Variants in CSMD1 observed in about 807,000 individuals in gnomAD.
The protein encoded by CSMD1 is CUB and sushi domain-containing protein 1.
CSMD1 carries 213 observed loss-of-function variants against 417.5 expected under a neutral mutation model. The ratio of observed to expected loss-of-function variants is 0.51; its 90% confidence interval spans 0.46 to 0.57. The LOEUF (loss-of-function observed/expected upper bound fraction) is 0.57, where lower values mean the gene tolerates loss of function less well. Ranked by LOEUF, CSMD1 falls within the 20% of genes least tolerant of loss-of-function variation. The pLI is 0.00. For missense variants in CSMD1, 6,923 were observed against 4,529.7 expected, an observed-to-expected ratio of 1.53 and a Z score of -15.17; for synonymous variants, 2,862 against 1,736.8, an observed-to-expected ratio of 1.65 and a Z score of -16.11.
At chr8:3,970,006 G>A (rs1304435934) in intron 5 of CSMD1, among the ~76,000 whole-genome samples, 1 of 152,142 alleles carries the variant, frequency 6.6e-6, no homozygotes, top group Non-Finnish European at 1.5e-5. Context: ...TCAGTAATTT[G>A]GCAATAATTC....
intron 3 of CSMD1, among the ~76,000 whole-genome samples, chr8:4,060,349 C>G (rs898292475): frequency 6.6e-6 from 1 of 152,120 alleles, no homozygotes; most frequent in African/African-American, 2.4e-5. Context: ...ACTGAATGGG[C>G]CAAAACTGGA....
At chr8:4,887,216 T>C (rs542316695) in intron 1 of CSMD1, among the ~76,000 whole-genome samples, 8 of 152,216 alleles carry the variant, frequency 5.3e-5, no homozygotes, top group African/African-American at 1.7e-4. Flanking sequence ...ATTTACATTG[T>C]GATTATTTTG....
At chr8:3,522,585 C>T (rs189160512) in intron 10 of CSMD1, among the ~76,000 whole-genome samples, 2 of 151,996 alleles carry the variant, frequency 1.3e-5, no homozygotes, top group East Asian at 3.9e-4. Context: ...GGGAACACTA[C>T]TCATGTTTCA....
chr8:4,689,411 A>C (rs1461883472), intron 1 of CSMD1, among the ~76,000 whole-genome samples: 1 of 152,214 alleles, frequency 6.6e-6, no homozygotes, highest in Non-Finnish European at 1.5e-5. Flanking sequence ...TATATGTTTC[A>C]TAAGAAATAA....
At chr8:3,334,980 A>G (rs764932247) in intron 23 of CSMD1, among the ~76,000 whole-genome samples, 6 of 152,196 alleles carry the variant, frequency 3.9e-5, no homozygotes, top group Non-Finnish European at 8.8e-5. Context: ...TCTTGTAATA[A>G]TGCTCCCCTG....
At chr8:4,038,785 C>G (rs1343670390) in intron 3 of CSMD1, among the ~76,000 whole-genome samples, 2 of 152,348 alleles carry the variant, frequency 1.3e-5, no homozygotes, top group East Asian at 3.9e-4. Flanking sequence ...TGAAAGAGCT[C>G]TGGGCACAGT....
intron 12 of CSMD1, among the ~76,000 whole-genome samples, chr8:3,419,902 T>C (rs1317622250): frequency 6.6e-6 from 1 of 152,196 alleles, no homozygotes; most frequent in East Asian, 1.9e-4. Flanking sequence ...CTGTTTTAGA[T>C]GGAATCTCAG....
At chr8:4,228,458 C>A (rs1216580059) in intron 3 of CSMD1, among the ~76,000 whole-genome samples, 1 of 152,154 alleles carries the variant, frequency 6.6e-6, no homozygotes, top group Non-Finnish European at 1.5e-5. Flanking sequence ...CACCTGAAAG[C>A]AGCACCACAC....
intron 51 of CSMD1, among the ~76,000 whole-genome samples, chr8:3,025,375 A>C (rs1809791166): frequency 6.6e-6 from 1 of 150,698 alleles, no homozygotes; most frequent in African/African-American, 2.5e-5. Context: ...TGTTATTCTG[A>C]AACTGTGTAT....
intron 2 of CSMD1, among the ~76,000 whole-genome samples, chr8:4,558,597 T>C (rs549802117): frequency 1.4e-4 from 21 of 152,272 alleles, no homozygotes; most frequent in African/African-American, 4.8e-4. Flanking sequence ...GCCAGACACA[T>C]GGCTCACACC....
chr8:4,501,774 G>C (rs765583627), intron 2 of CSMD1, among the ~76,000 whole-genome samples: 1 of 152,076 alleles, frequency 6.6e-6, no homozygotes, highest in African/African-American at 2.4e-5. Context: ...TTGTGTTCAA[G>C]TTGTCGTTAT....
intron 2 of CSMD1, among the ~76,000 whole-genome samples, chr8:4,426,086 T>G (rs1480449582): frequency 2.0e-5 from 3 of 148,226 alleles, no homozygotes; most frequent in Non-Finnish European, 4.4e-5. Context: ...AGGAATTATT[T>G]TGAAAAAAAA....
intron 1 of CSMD1, among the ~76,000 whole-genome samples, chr8:4,917,597 G>A (rs1028022005): frequency 6.6e-6 from 1 of 152,180 alleles, no homozygotes; most frequent in African/African-American, 2.4e-5. Flanking sequence ...TCATGCCACT[G>A]CACTCCAGCC....
intron 3 of CSMD1, among the ~76,000 whole-genome samples, chr8:4,391,892 G>T (rs1161029694): frequency 1.3e-5 from 2 of 152,176 alleles, no homozygotes; most frequent in Non-Finnish European, 2.9e-5. Context: ...TCTGCCGAGA[G>T]CTTCTTTTCA....
At position 3,722,499 on chromosome 8, in the gene CSMD1, C is replaced by T. The variant is rs1224144865; in HGVS notation, c.932-14008G>A. ...TCTGAAACCATTCTCTCCTGAAAAG[C>T]AGGGTCTGTCTTACCTTTGAGTTTT... On this transcript the variant is annotated intron_variant, in intron 6 of 69. Coordinates refer to ENST00000635120, the MANE Select transcript of CSMD1 (RefSeq NM_033225.6). 2.6e-5 allele frequency among the ~76,000 whole-genome samples: 4 copies of T among 152,164 alleles called. No homozygotes were observed. The East Asian group carries it at 7.7e-4, about 29-fold the overall frequency.
intron 2 of CSMD1, among the ~76,000 whole-genome samples, chr8:4,504,960 T>C (rs1259641093): frequency 6.6e-6 from 1 of 152,232 alleles, no homozygotes; most frequent in African/African-American, 2.4e-5. Flanking sequence ...CATGTGTCTT[T>C]ACAGGAGAAT....
In CSMD1 at chr8:4,936,303, G is replaced by C. The variant is rs146652863; in HGVS notation, c.85+58029C>G. ...ATTTCAATTTTAAAATGTGTGCATG[G>C]GATTGTGAATAAACAAACAGGGACA... On this transcript the variant is annotated intron_variant, in intron 1 of 69. Coordinates refer to ENST00000635120, the MANE Select transcript of CSMD1 (RefSeq NM_033225.6). 3.3e-3 allele frequency among the ~76,000 whole-genome samples: 498 copies of C among 152,202 alleles called. 1 individual carries two copies. Among genetic ancestry groups the C allele is most frequent in the African/African-American group, 0.011 (458 of 41,526 alleles).
At chr8:4,983,068 G>T (rs1313642195) in intron 1 of CSMD1, among the ~76,000 whole-genome samples, 1 of 152,180 alleles carries the variant, frequency 6.6e-6, no homozygotes, top group African/African-American at 2.4e-5. Flanking sequence ...AGAAAAAAAT[G>T]CAAACATCTC....
At chr8:4,843,089 T>C (rs28567932) in intron 1 of CSMD1, among the ~76,000 whole-genome samples, 2 of 152,154 alleles carry the variant, frequency 1.3e-5, no homozygotes, top group African/African-American at 4.8e-5. Context: ...ATAACCAGAC[T>C]CATTTGTTAG....
Sources: gnomAD v4.1 joint callset for allele counts (sites outside exome capture counted in the v4.1 genomes callset) on GRCh38, gnomAD v4.1.1 for gene constraint, MANE v1.5 for transcripts, NCBI Gene and HGNC (gene_info 2026-07-23, HGNC 2026-07-21) for gene names.